The following NEBL variants were observed in gnomAD, a reference collection of about 807,000 sequenced individuals.
NEBL encodes nebulette, also known as LIM and SH3 protein 2.
A neutral mutation model predicts 140.2 loss-of-function variants in NEBL; 122 were observed. The observed-to-expected ratio is 0.87, with a 90% CI of 0.75 to 1.01. NEBL has a LOEUF of 1.01. Ranked by LOEUF, NEBL falls within the 50% of genes least tolerant of loss-of-function variation. The probability of loss-of-function intolerance (pLI) is 0.00; values close to 1 mark genes in which losing one functional copy is unlikely to be tolerated. For synonymous variants in NEBL, 436 were observed against 398.9 expected, an observed-to-expected ratio of 1.09 and a Z score of -1.11; for missense variants, 1,365 against 1,231.3, an observed-to-expected ratio of 1.11 and a Z score of -1.62.
In NEBL at chr10:20,889,905, T is replaced by G. The variant is rs376680302; in HGVS notation, c.198A>C (p.Thr66=). 5.0e-6 allele frequency: 8 copies of G among 1,612,290 alleles called. No individual in the cohort carries two copies. Among genetic ancestry groups the G allele is most frequent in the African/African-American group, 4.0e-5 (3 of 74,894 alleles). ...TTAGCATAGGACTGTCAGTCACAAA[T>G]GTACACTTATCCTTGGACTTTTTAA... ...EEFKKSKDKC[T]FVTDSPMLNH... The change falls in exon 3 of 28, where the codon ACA becomes ACC. Residue 66 remains threonine, a synonymous_variant. Transcript: ENST00000377122.
At chr10:20,799,547 T>G (rs953953574) in intron 26 of NEBL, among the ~76,000 whole-genome samples, 2 of 152,222 alleles carry the variant, frequency 1.3e-5, no homozygotes, top group Admixed American at 6.5e-5. Flanking sequence ...ACAGCATTTT[T>G]GGGACAAATT....
chr10:21,068,999 C>T (rs1835695402), intron 2 of NEBL, among the ~76,000 whole-genome samples: 1 of 152,152 alleles, frequency 6.6e-6, no homozygotes, highest in South Asian at 2.1e-4. Context: ...AGCAATCCTC[C>T]CATCTCACTC....
intron 2 of NEBL, among the ~76,000 whole-genome samples, chr10:21,060,528 G>A (rs1236456605): frequency 6.6e-6 from 1 of 152,044 alleles, no homozygotes; most frequent in Non-Finnish European, 1.5e-5. Context: ...TCTACAAACT[G>A]TCTCCTTTTC....
chr10:20,906,802 A>G (rs1848112015), intron 4 of NEBL, among the ~76,000 whole-genome samples: 1 of 152,138 alleles, frequency 6.6e-6, no homozygotes, highest in African/African-American at 2.4e-5. Flanking sequence ...TCTATGGGCC[A>G]GGCCTCATGT....
At chr10:21,073,244 G>T (rs991518359) in intron 2 of NEBL, among the ~76,000 whole-genome samples, 3 of 151,852 alleles carry the variant, frequency 2.0e-5, no homozygotes, top group Admixed American at 2.0e-4. Flanking sequence ...GATCGGTTGA[G>T]CCCAGGAGTT....
chr10:21,010,284 G>A (rs150472307), intron 3 of NEBL, among the ~76,000 whole-genome samples: 1 of 152,012 alleles, frequency 6.6e-6, no homozygotes, highest in East Asian at 1.9e-4. Context: ...TAGCTCTGTC[G>A]ACCAGGCTGG....
chr10:21,253,088 C>G (rs1373716170), intron 1 of NEBL, among the ~76,000 whole-genome samples: 1 of 152,078 alleles, frequency 6.6e-6, no homozygotes, highest in East Asian at 1.9e-4. Context: ...ATGGAGAAAC[C>G]CCATCTCTAC....
At chr10:21,030,434 T>A in intron 2 of NEBL, 1 of 652,956 alleles carries the variant, frequency 1.5e-6, no homozygotes, top group South Asian at 1.4e-5. Flanking sequence ...GGAGGAAGAC[T>A]GTCACTCTCC....
At chr10:21,052,710 C>T (rs994727648) in intron 2 of NEBL, among the ~76,000 whole-genome samples, 6 of 152,160 alleles carry the variant, frequency 3.9e-5, no homozygotes, top group African/African-American at 7.2e-5. Context: ...AGAGCAGTGC[C>T]GCTCCACCCC....
intron 2 of NEBL, among the ~76,000 whole-genome samples, 190 bp from the exon 3 acceptor site, chr10:20,890,139 G>A (rs570943723): frequency 1.3e-5 from 2 of 152,186 alleles, no homozygotes; most frequent in African/African-American, 4.8e-5. Context: ...GAGGCATAGT[G>A]AGGAAAGACC....
At chr10:20,844,601 T>C (rs561891035) in intron 12 of NEBL, among the ~76,000 whole-genome samples, 230 of 151,694 alleles carry the variant, frequency 1.5e-3, no homozygotes, top group Non-Finnish European at 2.8e-3. Context: ...ATATATTACT[T>C]GTGAGCAAAA....
At chr10:20,860,547 A>C (rs1190765387) in intron 7 of NEBL, among the ~76,000 whole-genome samples, 3 of 140,920 alleles carry the variant, frequency 2.1e-5, no homozygotes, top group Admixed American at 7.4e-5. Flanking sequence ...TAGAATATAA[A>C]CACAAGTTCA....
At chr10:20,978,602 T>TA (rs959177670) in intron 3 of NEBL, among the ~76,000 whole-genome samples, 2 of 151,694 alleles carry the variant, frequency 1.3e-5, no homozygotes, top group Non-Finnish European at 2.9e-5. Flanking sequence ...AATAAAAATT[T>TA]AAAAAAATTA....
intron 2 of NEBL, among the ~76,000 whole-genome samples, chr10:21,084,829 C>T (rs951505386): frequency 6.6e-6 from 1 of 152,106 alleles, no homozygotes; most frequent in Non-Finnish European, 1.5e-5. Flanking sequence ...AGAGAGAACC[C>T]GGTTGCTGCC....
chr10:20,949,837 T>C lies in NEBL; in HGVS notation c.357+11835A>G, dbSNP rs554140322. Among the ~76,000 whole-genome samples the C allele has an allele frequency of 2.6e-5, 4 of 152,334 alleles. No individual in the cohort carries two copies. The East Asian group carries it at 7.7e-4, about 29-fold the overall frequency. On this transcript the variant is annotated intron_variant, in intron 4 of 6. Transcript: ENST00000417816. ...TAATTTTTTGTGGTATTTTCTGGAA[T>C]ACTGATAGGCAAATAGTGAATAAAG...
At chr10:20,852,686 A>C in intron 9 of NEBL, 37 bp from the exon 10 acceptor site, 1 of 1,468,326 alleles carries the variant, frequency 6.8e-7, no homozygotes, top group African/African-American at 1.4e-5. Context: ...TTAGAATCAA[A>C]GAGACTGATT....
rs1310607610 is a variant in NEBL, at chr10:20,835,585, C to A, written c.1377G>T (p.Gly459=). ...YKKDLESIIK[G]KGMQAGTDTL... Reference sequence around the variant, plus strand: ...TGTCAGTGCCAGCTTGCATTCCTTTCCCTTTAATTATTGACTCCAGGTCTT... The same window carrying A: ...TGTCAGTGCCAGCTTGCATTCCTTTACCTTTAATTATTGACTCCAGGTCTT... The change falls in exon 14 of 28, where the codon GGG becomes GGT. Residue 459 remains glycine (G), a synonymous_variant. Transcript: ENST00000377122. The A allele has an allele frequency of 1.2e-6, 2 of 1,612,362 alleles. No individual in the cohort carries two copies. Among genetic ancestry groups the A allele is most frequent in the Non-Finnish European group, 1.7e-6 (2 of 1,179,670 alleles).
At chr10:21,074,305 T>C (rs1463135516) in intron 2 of NEBL, among the ~76,000 whole-genome samples, 1 of 152,012 alleles carries the variant, frequency 6.6e-6, no homozygotes, top group South Asian at 2.1e-4. Context: ...TCTCTTTAGA[T>C]CTAGGCTTCA....
chr10:20,928,380 A>G (rs1781303635), intron 4 of NEBL, among the ~76,000 whole-genome samples: 1 of 152,212 alleles, frequency 6.6e-6, no homozygotes, highest in African/African-American at 2.4e-5. Context: ...AAGGTAAAAA[A>G]ATTACTCTGG....
Sources: gnomAD v4.1 joint callset for allele counts (sites outside exome capture counted in the v4.1 genomes callset) on GRCh38, gnomAD v4.1.1 for gene constraint, MANE v1.5 for transcripts, NCBI Gene and HGNC (gene_info 2026-07-23, HGNC 2026-07-21) for gene names.